FHIT: variants seen among roughly 807,000 people sequenced by gnomAD.
The protein encoded by FHIT is fragile histidine triad diadenosine triphosphatase, also known as bis(5'-adenosyl)-triphosphatase.
FHIT carries 19 observed loss-of-function variants against 17.9 expected under a neutral mutation model. The observed-to-expected ratio is 1.06, with a 90% CI of 0.74 to 1.56. The LOEUF (loss-of-function observed/expected upper bound fraction) is 1.56. FHIT is among the 40% of genes most tolerant of loss of function. FHIT has a pLI of 0.00. For synonymous variants in FHIT, 81 were observed against 69.7 expected (o/e 1.16, Z -0.81); for missense variants, 248 against 189.2 (o/e 1.31, Z -1.82).
intron 4 of FHIT, among the ~76,000 whole-genome samples, chr3:60,669,667 A>C (rs187194247): frequency 6.6e-6 from 1 of 152,324 alleles, no homozygotes. Flanking sequence ...ACAGAACAAC[A>C]TTGCTGGGAA....
intron 5 of FHIT, among the ~76,000 whole-genome samples, chr3:60,444,652 A>C (rs938925137): frequency 6.6e-6 from 1 of 152,062 alleles, no homozygotes; most frequent in Non-Finnish European, 1.5e-5. Flanking sequence ...CAATGAGAAC[A>C]CCTGGACACA....
intron 4 of FHIT, among the ~76,000 whole-genome samples, chr3:60,592,172 T>TATATATATATTATC (rs1491428806): frequency 3.4e-5 from 5 of 147,368 alleles, no homozygotes; most frequent in Admixed American, 2.7e-4. Flanking sequence ...TATATATTAT[T>TATATATATATTATC]ATATATATAT....
At chr3:60,981,629 G>C (rs1291074697) in intron 3 of FHIT, among the ~76,000 whole-genome samples, 1 of 152,002 alleles carries the variant, frequency 6.6e-6, no homozygotes, top group Non-Finnish European at 1.5e-5. Flanking sequence ...CCTTTTTTGA[G>C]ACAGGGTCTT....
chr3:60,729,678 A>G (rs1338583321), intron 4 of FHIT, among the ~76,000 whole-genome samples: 1 of 152,182 alleles, frequency 6.6e-6, no homozygotes, highest in East Asian at 1.9e-4. Flanking sequence ...TCATTTCAGT[A>G]AAGTACTATC....
intron 7 of FHIT, among the ~76,000 whole-genome samples, chr3:59,977,409 C>A (rs975784048): frequency 8.5e-5 from 13 of 152,118 alleles, no homozygotes; most frequent in African/African-American, 2.9e-4. Flanking sequence ...TGAAGCATTT[C>A]TTTAAAATAA....
intron 4 of FHIT, among the ~76,000 whole-genome samples, chr3:60,629,460 T>TGTCATTTCTG (rs1266128438): frequency 6.6e-6 from 1 of 152,206 alleles, no homozygotes; most frequent in Non-Finnish European, 1.5e-5. Context: ...AAATGGTCCA[T>TGTCATTTCTG]GGAACACCTT....
chr3:59,982,874 A>G (rs1319737271), intron 7 of FHIT, among the ~76,000 whole-genome samples: 1 of 152,268 alleles, frequency 6.6e-6, no homozygotes, highest in Non-Finnish European at 1.5e-5. Flanking sequence ...ACTAAATCCA[A>G]AGTTTTCTAT....
chr3:60,569,931 C>T (rs1702154804), intron 4 of FHIT, among the ~76,000 whole-genome samples: 1 of 151,408 alleles, frequency 6.6e-6, no homozygotes, highest in Non-Finnish European at 1.5e-5. Context: ...TGATGTAATT[C>T]ACCCAAATGA....
rs527521985 is a variant in FHIT at position 61,128,777 on chromosome 3, T to G, written c.-164+71840A>C. 9.9e-5 allele frequency among the ~76,000 whole-genome samples: 15 copies of G among 152,100 alleles called. No homozygotes were observed. The South Asian group carries it at 1.2e-3, about 13-fold the overall frequency. On this transcript the variant is annotated intron_variant, in intron 2 of 9. Coordinates refer to ENST00000492590, the MANE Select transcript of FHIT (RefSeq NM_002012.4). ...TATCTTGTGAAAAAACAAGGTTGTT[T>G]TTTTTTTTCTTAATTCTCAATGTTC...
intron 4 of FHIT, among the ~76,000 whole-genome samples, chr3:60,713,525 C>T (rs1276993116): frequency 3.3e-4 from 49 of 149,704 alleles, no homozygotes; most frequent in Admixed American, 2.7e-3. Context: ...ATTGATAGAC[C>T]GCTAGCAAGA....
chr3:61,190,436 T>C lies in FHIT; in HGVS notation c.-164+10181A>G, dbSNP rs185014337. On this transcript the variant is annotated intron_variant, in intron 2 of 9. Transcript: ENST00000492590. ...CATTAAAAAGTCAGGAAACAACAGG[T>C]GCTAGAGAGGATGTGGAGAAATAGG... Among the ~76,000 whole-genome samples the C allele has an allele frequency of 2.1e-3, 312 of 152,142 alleles. 3 individuals are homozygous for C. Among genetic ancestry groups the C allele is most frequent in the African/African-American group, 5.7e-3 (237 of 41,516 alleles).
At chr3:60,729,522 C>G (rs2107983418) in intron 4 of FHIT, among the ~76,000 whole-genome samples, 1 of 152,222 alleles carries the variant, frequency 6.6e-6, no homozygotes, top group South Asian at 2.1e-4. Flanking sequence ...AAGTGCCCAG[C>G]CTGGCAGCAT....
Position 60,217,666 on chromosome 3 carries a change from G to A in FHIT, c.104-203514C>T, listed in dbSNP as rs143944705. 3.6e-3 allele frequency among the ~76,000 whole-genome samples: 552 copies of A among 152,186 alleles called. 3 individuals are homozygous for A. Among genetic ancestry groups the A allele is most frequent in the African/African-American group, 0.013 (520 of 41,522 alleles). On this transcript the variant is annotated intron_variant, in intron 5 of 9. Transcript: ENST00000492590. ...CCCAGCTTCTCTCTGGCTTCATCAG[G>A]AGCCTGTCTTCCCCTCACTCAACAT... is the stretch of plus-strand genomic sequence containing the variant.
intron 5 of FHIT, among the ~76,000 whole-genome samples, chr3:60,270,163 G>C (rs1230602351): frequency 6.6e-6 from 1 of 152,144 alleles, no homozygotes; most frequent in African/African-American, 2.4e-5. Context: ...TGGTCTAAGA[G>C]ACCAGGCCAC....
intron 2 of FHIT, among the ~76,000 whole-genome samples, chr3:61,078,563 A>G (rs922451823): frequency 6.6e-6 from 1 of 152,158 alleles, no homozygotes; most frequent in African/African-American, 2.4e-5. Flanking sequence ...CCCTGCTTTC[A>G]TCTACCCATG....
intron 5 of FHIT, among the ~76,000 whole-genome samples, chr3:60,334,442 C>T (rs564484575): frequency 7.2e-5 from 11 of 152,308 alleles, no homozygotes; most frequent in East Asian, 1.9e-4. Context: ...CCAAAACAGT[C>T]AGTAAGTTCC....
intron 5 of FHIT, among the ~76,000 whole-genome samples, chr3:60,020,966 G>C (rs1471737413): frequency 6.6e-6 from 1 of 152,028 alleles, no homozygotes; most frequent in Admixed American, 6.6e-5. Flanking sequence ...CTTTGTTTGG[G>C]CCACACCTTT....
intron 2 of FHIT, among the ~76,000 whole-genome samples, chr3:61,178,322 C>A (rs1174697682): frequency 6.6e-6 from 1 of 151,904 alleles, no homozygotes; most frequent in East Asian, 1.9e-4. Context: ...GCTAAAGAAT[C>A]CACTTGCACA....
intron 5 of FHIT, among the ~76,000 whole-genome samples, chr3:60,385,429 AG>A (rs1453794063): frequency 6.6e-6 from 1 of 152,244 alleles, no homozygotes; most frequent in Non-Finnish European, 1.5e-5. Flanking sequence ...TTAGTTTTAT[AG>A]TACTTATTAC....
Sources: allele counts gnomAD v4.1 joint callset (sites outside exome capture counted in the v4.1 genomes callset), GRCh38; gene constraint gnomAD v4.1.1; transcripts MANE v1.5; gene names NCBI Gene and HGNC (gene_info 2026-07-23, HGNC 2026-07-21).